DAB1: variants seen among roughly 807,000 people sequenced by gnomAD.
DAB1 encodes disabled homolog 1.
DAB1 carries 15 observed loss-of-function variants against 64.6 expected under a neutral mutation model. The ratio of observed to expected loss-of-function variants is 0.23; its 90% CI spans 0.16 to 0.36. The LOEUF is 0.36. DAB1 is among the 10% of genes least tolerant of loss of function. The probability of loss-of-function intolerance (pLI) is 1.00; values close to 1 mark genes in which losing one functional copy is unlikely to be tolerated. For missense variants in DAB1, 596 were observed against 706.7 expected, an observed-to-expected ratio of 0.84 and a Z score of 1.78; for synonymous variants, 235 against 251.9, an observed-to-expected ratio of 0.93 and a Z score of 0.64.
At chr1:57,436,534 T>C (rs923610888) in intron 7 of DAB1, among the ~76,000 whole-genome samples, 3 of 152,196 alleles carry the variant, frequency 2.0e-5, no homozygotes, top group Non-Finnish European at 4.4e-5. Flanking sequence ...GTGCTAATAG[T>C]GCAAGTCCTG....
chr1:58,005,150 T>G (rs1407153738), intron 5 of DAB1, among the ~76,000 whole-genome samples: 5 of 152,172 alleles, frequency 3.3e-5, no homozygotes, highest in Admixed American at 3.3e-4. Context: ...TTCAATGATT[T>G]TTAGCAAATT....
chr1:58,014,105 C>T (rs542946719), intron 5 of DAB1, among the ~76,000 whole-genome samples: 13 of 152,264 alleles, frequency 8.5e-5, no homozygotes, highest in African/African-American at 2.9e-4. Context: ...GTTACTCCTA[C>T]TCCAAAGTGG....
chr1:58,465,260 CA>C (rs1245251659), intron 3 of DAB1, among the ~76,000 whole-genome samples: 1 of 152,184 alleles, frequency 6.6e-6, no homozygotes, highest in Middle Eastern at 3.2e-3. Context: ...CACCAAGCCA[CA>C]AGGTGGACTG....
At chr1:57,498,071 T>C (rs1644250170) in intron 7 of DAB1, among the ~76,000 whole-genome samples, 1 of 152,194 alleles carries the variant, frequency 6.6e-6, no homozygotes, top group South Asian at 2.1e-4. Flanking sequence ...AGTTAGAATG[T>C]GCAGAATTTG....
chr1:57,514,340 C>T (rs1334088402), intron 7 of DAB1, among the ~76,000 whole-genome samples: 2 of 152,184 alleles, frequency 1.3e-5, no homozygotes, highest in African/African-American at 2.4e-5. Context: ...ATGCCCAACA[C>T]TTATGTTTCA....
chr1:58,375,375 G>A (rs984748471), intron 3 of DAB1, among the ~76,000 whole-genome samples: 60 of 138,846 alleles, frequency 4.3e-4, no homozygotes, highest in Non-Finnish European at 7.8e-4. Flanking sequence ...AATTTATTGA[G>A]AGTTTTTAGC....
At chr1:58,274,764 A>G (rs1252153010) in intron 4 of DAB1, among the ~76,000 whole-genome samples, 1 of 151,750 alleles carries the variant, frequency 6.6e-6, no homozygotes, top group East Asian at 1.9e-4. Context: ...GAGTGACCCG[A>G]TTTTCCAGGT....
chr1:57,166,841 A>G (rs748273793), intron 2 of DAB1, among the ~76,000 whole-genome samples: 2 of 152,120 alleles, frequency 1.3e-5, no homozygotes, highest in African/African-American at 2.4e-5. Flanking sequence ...AAGAAACTCA[A>G]AGAGAGGCAT....
intron 3 of DAB1, among the ~76,000 whole-genome samples, chr1:57,140,386 C>A (rs1423263046): frequency 1.3e-5 from 2 of 152,114 alleles, no homozygotes; most frequent in Non-Finnish European, 1.5e-5. Context: ...CCTCCTAGAA[C>A]CTAAAGGGGC....
At chr1:57,213,546 C>T (rs772351767) in intron 2 of DAB1, among the ~76,000 whole-genome samples, 4 of 152,176 alleles carry the variant, frequency 2.6e-5, no homozygotes, top group Non-Finnish European at 5.9e-5. Flanking sequence ...TACAGTCATA[C>T]AAAATGCTGG....
chr1:58,499,321 A>T (rs1645859414), intron 3 of DAB1, among the ~76,000 whole-genome samples: 1 of 150,372 alleles, frequency 6.7e-6, no homozygotes, highest in Admixed American at 6.6e-5. Flanking sequence ...CTACAAAAAA[A>T]AAAAAAAAAA....
chr1:58,518,248 AGAGGGGAGAGGGGAGAGGAGAGAGGAGAG>A (rs1646193160), intron 2 of DAB1, among the ~76,000 whole-genome samples: 1 of 15,776 alleles, frequency 6.3e-5, no homozygotes, highest in African/African-American at 3.9e-4. Flanking sequence ...GGGAGAGGGG[AGAGGGGAGAGGGGAGAGGAGAGAGGAGAG>A]GAGAAGAGAA....
At chr1:58,233,978 A>G (rs1312066967) in intron 4 of DAB1, among the ~76,000 whole-genome samples, 3 of 152,242 alleles carry the variant, frequency 2.0e-5, no homozygotes. Flanking sequence ...TGACAGCCAC[A>G]CACAAAGTCA....
intron 5 of DAB1, among the ~76,000 whole-genome samples, chr1:57,912,819 C>A (rs1296477021): frequency 4.6e-5 from 7 of 152,184 alleles, no homozygotes; most frequent in Middle Eastern, 3.4e-3. Context: ...AGAGAGCCAA[C>A]TCATGAGTGA....
chr1:57,902,175 A>C (rs1404332818), intron 5 of DAB1, among the ~76,000 whole-genome samples: 1 of 151,716 alleles, frequency 6.6e-6, no homozygotes, highest in African/African-American at 2.4e-5. Context: ...AAAAAAAAGA[A>C]AGAAACTATT....
intron 5 of DAB1, among the ~76,000 whole-genome samples, chr1:58,014,874 A>G (rs1352721816): frequency 2.6e-5 from 4 of 152,204 alleles, no homozygotes; most frequent in Non-Finnish European, 2.9e-5. Context: ...GAGGAAACAA[A>G]CAAAAGAAGA....
intron 4 of DAB1, among the ~76,000 whole-genome samples, chr1:58,188,657 A>G (rs181784051): frequency 6.6e-6 from 1 of 152,238 alleles, no homozygotes; most frequent in Non-Finnish European, 1.5e-5. Context: ...TGGAAATGCT[A>G]TGGTTCAAAA....
intron 3 of DAB1, among the ~76,000 whole-genome samples, chr1:58,396,278 G>A (rs1007553681): frequency 6.6e-6 from 1 of 152,080 alleles, no homozygotes; most frequent in African/African-American, 2.4e-5. Flanking sequence ...ACTGCCGGCT[G>A]CACTGCCCAA....
intron 5 of DAB1, among the ~76,000 whole-genome samples, chr1:58,098,117 T>C (rs1278225090): frequency 6.6e-6 from 1 of 152,208 alleles, no homozygotes; most frequent in African/African-American, 2.4e-5. Context: ...ACAGGCCATG[T>C]CTTTTGCCTG....
Sources: allele counts gnomAD v4.1 joint callset (sites outside exome capture counted in the v4.1 genomes callset), GRCh38; gene constraint gnomAD v4.1.1; transcripts MANE v1.5; gene names NCBI Gene and HGNC (gene_info 2026-07-23, HGNC 2026-07-21).